GPC6: variants seen among roughly 807,000 people sequenced by gnomAD.
The protein encoded by GPC6 is glypican 6.
In GPC6, 14 loss-of-function variants were observed where a neutral mutation model predicts 55.2. The observed-to-expected ratio is 0.25, with a 90% confidence interval of 0.17 to 0.40. The LOEUF (loss-of-function observed/expected upper bound fraction) is 0.40. Ranked by LOEUF, GPC6 falls within the 10% of genes least tolerant of loss-of-function variation. The pLI, the probability that GPC6 is intolerant of heterozygous loss-of-function variation, is 1.00. For synonymous variants in GPC6, 278 were observed against 259.6 expected (o/e 1.07, Z -0.68); for missense variants, 641 against 708.5 (o/e 0.90, Z 1.08).
chr13:94,110,282 A>G (rs1438746482), intron 4 of GPC6, among the ~76,000 whole-genome samples: 1 of 152,078 alleles, frequency 6.6e-6, no homozygotes, highest in African/African-American at 2.4e-5. Flanking sequence ...AAGAAGGGCC[A>G]GGTTATAGAA....
intron 2 of GPC6, among the ~76,000 whole-genome samples, chr13:93,766,264 GA>G (rs1885128639): frequency 6.6e-6 from 1 of 152,152 alleles, no homozygotes; most frequent in African/African-American, 2.4e-5. Context: ...GATGTCTCCT[GA>G]ATCCTTGGAA....
chr13:93,818,244 T>G (rs1221240212), intron 2 of GPC6, among the ~76,000 whole-genome samples: 2 of 151,876 alleles, frequency 1.3e-5, no homozygotes, highest in Non-Finnish European at 2.9e-5. Context: ...TTGCTCTTAT[T>G]TAGACATCTG....
At chr13:93,236,273 T>C (rs1276420659) in intron 1 of GPC6, among the ~76,000 whole-genome samples, 4 of 152,190 alleles carry the variant, frequency 2.6e-5, no homozygotes, top group African/African-American at 9.7e-5. Flanking sequence ...CAAGTGGTTG[T>C]TGGTTACATG....
At chr13:93,787,044 A>G (rs1008642218) in intron 2 of GPC6, among the ~76,000 whole-genome samples, 4 of 152,194 alleles carry the variant, frequency 2.6e-5, no homozygotes, top group Non-Finnish European at 5.9e-5. Flanking sequence ...ACATCAACTG[A>G]TCACACAGCA....
intron 3 of GPC6, among the ~76,000 whole-genome samples, chr13:93,982,576 C>T (rs1594640689): frequency 1.3e-5 from 2 of 152,094 alleles, no homozygotes; most frequent in African/African-American, 2.4e-5. Context: ...CAATCTTGTT[C>T]GAATTTTTTA....
intron 1 of GPC6, among the ~76,000 whole-genome samples, chr13:93,261,278 T>C (rs1322707372): frequency 2.0e-5 from 3 of 152,072 alleles, no homozygotes; most frequent in Non-Finnish European, 4.4e-5. Context: ...GTAGGAAACA[T>C]TGGGATTTTT....
At chr13:93,965,283 C>T (rs924183678) in intron 3 of GPC6, among the ~76,000 whole-genome samples, 9 of 151,718 alleles carry the variant, frequency 5.9e-5, no homozygotes, top group South Asian at 2.1e-4. Flanking sequence ...TGGTGGCAGA[C>T]GCCTGTAGTC....
chr13:93,630,320 C>T (rs944843460), intron 2 of GPC6, among the ~76,000 whole-genome samples: 3 of 152,174 alleles, frequency 2.0e-5, no homozygotes, highest in Non-Finnish European at 4.4e-5. Flanking sequence ...CAGTGCTGCT[C>T]GCTAGTTCTA....
intron 2 of GPC6, among the ~76,000 whole-genome samples, chr13:93,644,743 A>C (rs190284236): frequency 1.1e-3 from 164 of 150,616 alleles, no homozygotes; most frequent in African/African-American, 3.7e-3. Flanking sequence ...TATTGTCAAC[A>C]TAGATTACTG....
chr13:93,805,985 G>T (rs954449944), intron 2 of GPC6, among the ~76,000 whole-genome samples: 9 of 152,124 alleles, frequency 5.9e-5, no homozygotes, highest in African/African-American at 2.2e-4. Flanking sequence ...CATTCACCAC[G>T]CTATGCCTTA....
chr13:93,632,139 A>G (rs1879471929), intron 2 of GPC6, among the ~76,000 whole-genome samples: 2 of 152,190 alleles, frequency 1.3e-5, no homozygotes, highest in Admixed American at 1.3e-4. Context: ...AAAGTTTAAA[A>G]CATTGGATTG....
intron 6 of GPC6, among the ~76,000 whole-genome samples, chr13:94,353,795 G>T (rs1378614026): frequency 6.6e-6 from 1 of 152,138 alleles, no homozygotes. Context: ...CGGAACTAAA[G>T]CTTTAACTCT....
At chr13:93,476,543 T>C (rs1026304577) in intron 1 of GPC6, among the ~76,000 whole-genome samples, 9 of 152,170 alleles carry the variant, frequency 5.9e-5, no homozygotes, top group Non-Finnish European at 1.2e-4. Flanking sequence ...TATCCATAAG[T>C]TTTTGCTACA....
At chr13:94,117,881 T>C (rs1886488124) in intron 4 of GPC6, among the ~76,000 whole-genome samples, 2 of 152,118 alleles carry the variant, frequency 1.3e-5, no homozygotes, top group South Asian at 4.1e-4. Context: ...TATTGGCATA[T>C]GAGTAGGAGC....
chr13:94,023,522 T>C lies in GPC6; in HGVS notation c.712-4207T>C, dbSNP rs556490457. On this transcript the variant is annotated intron_variant, in intron 3 of 8. Coordinates refer to ENST00000377047, the MANE Select transcript of GPC6 (RefSeq NM_005708.5). ...AACTGGAGGTCTCACATATTGCTGG[T>C]AGAAATGTAAAATGTTACAAACAAG... Among the ~76,000 whole-genome samples the C allele has an allele frequency of 4.6e-5, 7 of 152,150 alleles. No homozygotes were observed. The East Asian group carries it at 1.4e-3, about 29-fold the overall frequency.
At chr13:93,740,570 A>G (rs1884166657) in intron 2 of GPC6, among the ~76,000 whole-genome samples, 1 of 152,206 alleles carries the variant, frequency 6.6e-6, no homozygotes, top group Non-Finnish European at 1.5e-5. Flanking sequence ...TAATATTACA[A>G]TTGCTCTGTT....
intron 2 of GPC6, among the ~76,000 whole-genome samples, chr13:93,666,758 T>A (rs955264883): frequency 3.3e-5 from 5 of 152,180 alleles, no homozygotes; most frequent in African/African-American, 1.2e-4. Context: ...AGCATTGTGT[T>A]AAAAGGATGT....
chr13:93,965,651 GC>G (rs1244464407), intron 3 of GPC6, among the ~76,000 whole-genome samples: 1 of 152,022 alleles, frequency 6.6e-6, no homozygotes, highest in Non-Finnish European at 1.5e-5. Flanking sequence ...TGCTGGAGAG[GC>G]CAGTGGAGAA....
At chr13:94,343,376 C>T (rs148493037) in intron 6 of GPC6, among the ~76,000 whole-genome samples, 3 of 152,150 alleles carry the variant, frequency 2.0e-5, no homozygotes, top group Non-Finnish European at 2.9e-5. Flanking sequence ...CAAAAGCACA[C>T]GGCCTCTCAT....
Sources: gnomAD v4.1 joint callset for allele counts (sites outside exome capture counted in the v4.1 genomes callset) on GRCh38, gnomAD v4.1.1 for gene constraint, MANE v1.5 for transcripts, NCBI Gene and HGNC (gene_info 2026-07-23, HGNC 2026-07-21) for gene names.